Variants in TPST2 observed in about 807,000 individuals in gnomAD.
The protein encoded by TPST2 is tyrosylprotein sulfotransferase 2, also known as protein-tyrosine sulfotransferase 2.
Under a neutral mutation model 27.8 loss-of-function variants are expected in TPST2, and 16 were observed. The observed-to-expected ratio is 0.58, with a 90% confidence interval of 0.39 to 0.88. The LOEUF (loss-of-function observed/expected upper bound fraction) is 0.88, where lower values mean the gene tolerates loss of function less well. TPST2 is among the 40% of genes least tolerant of loss of function. TPST2 has a pLI of 0.00. For missense variants in TPST2, 464 were observed against 543.1 expected (o/e 0.85, Z 1.45); for synonymous variants, 229 against 231.7 (o/e 0.99, Z 0.10).
At chr22:26,581,429 A>G in intron 1 of TPST2, among the ~76,000 whole-genome samples, 1 of 152,226 alleles carries the variant, frequency 6.6e-6, no homozygotes. Flanking sequence ...TTGAGTAAAC[A>G]GAAGGATGGA....
At chr22:26,556,103 A>G (rs1393708485) in intron 1 of TPST2, among the ~76,000 whole-genome samples, 1 of 152,246 alleles carries the variant, frequency 6.6e-6, no homozygotes, top group African/African-American at 2.4e-5. Context: ...TTTGGCTAAG[A>G]ATGTGATTAC....
intron 1 of TPST2, among the ~76,000 whole-genome samples, chr22:26,549,736 C>G (rs4822736): frequency 6.8e-6 from 1 of 147,546 alleles, no homozygotes; most frequent in Non-Finnish European, 1.5e-5. Context: ...TTGGAAACAG[C>G]GGGGTTTCAT....
At chr22:26,546,297 A>AC (rs928442745) in intron 1 of TPST2, among the ~76,000 whole-genome samples, 1 of 151,492 alleles carries the variant, frequency 6.6e-6, no homozygotes, top group East Asian at 1.9e-4. Flanking sequence ...CAGCAACTAG[A>AC]CCCCCCCACA....
At chr22:26,580,387 G>A (rs1376671256) in intron 1 of TPST2, among the ~76,000 whole-genome samples, 2 of 152,076 alleles carry the variant, frequency 1.3e-5, no homozygotes, top group African/African-American at 2.4e-5. Context: ...CAGCCATCCC[G>A]CCCTTCAGTC....
At chr22:26,576,031 TAAATA>T (rs1555935347) in intron 1 of TPST2, among the ~76,000 whole-genome samples, 4 of 150,010 alleles carry the variant, frequency 2.7e-5, no homozygotes, top group East Asian at 1.9e-4. Flanking sequence ...AAAAAATAAA[TAAATA>T]AAATAAAATA....
chr22:26,546,253 A>C (rs776295833), intron 1 of TPST2, among the ~76,000 whole-genome samples: 4 of 152,106 alleles, frequency 2.6e-5, no homozygotes, highest in Non-Finnish European at 5.9e-5. Flanking sequence ...AGGACATCTA[A>C]ACCCAGATGG....
In TPST2 at chr22:26,541,734, G is replaced by T; in HGVS notation, c.-88-16C>A. ...AGGCTCACATCTGGGGAGAGAGGGG[G>T]ACATGCATAGTCAGGGAGGTCTGTG... On this transcript the variant is annotated splice_polypyrimidine_tract_variant and intron_variant, in intron 2 of 6. Transcript: ENST00000338754. The surrounding 1 kb of genome is among the most constrained non-coding windows in gnomAD (Gnocchi z 5.9). 1.4e-6 allele frequency: 2 copies of T among 1,448,928 alleles called. No individual in the cohort carries two copies. Among genetic ancestry groups the T allele is most frequent in the Non-Finnish European group, 1.8e-6 (2 of 1,107,274 alleles). 89.8% of individuals were successfully genotyped at this position (1,448,928 alleles called of 1,614,324 possible).
chr22:26,577,561 G>A (rs1481594747), intron 1 of TPST2, among the ~76,000 whole-genome samples: 1 of 151,428 alleles, frequency 6.6e-6, no homozygotes, highest in Non-Finnish European at 1.5e-5. Flanking sequence ...GTGTTAGCCA[G>A]GATGGTCTCG....
chr22:26,537,440 G>T (rs1336036424), intron 3 of TPST2, among the ~76,000 whole-genome samples: 2 of 152,176 alleles, frequency 1.3e-5, no homozygotes, highest in African/African-American at 4.8e-5. Flanking sequence ...GCTTAGAAGA[G>T]CGTAGGCACA....
intron 1 of TPST2, among the ~76,000 whole-genome samples, chr22:26,568,274 C>T (rs1030342144): frequency 2.0e-5 from 3 of 152,138 alleles, no homozygotes; most frequent in African/African-American, 7.2e-5. Context: ...CTGTGATGAG[C>T]GAAACAAGTC....
intron 1 of TPST2, among the ~76,000 whole-genome samples, chr22:26,563,947 G>C (rs576643889): frequency 7.9e-5 from 12 of 152,274 alleles, no homozygotes; most frequent in Non-Finnish European, 1.6e-4. Context: ...TACCTGTAGG[G>C]GGTCGGCGGG....
intron 1 of TPST2, among the ~76,000 whole-genome samples, chr22:26,577,265 T>TAAA (rs35985150): frequency 7.8e-5 from 10 of 127,560 alleles, no homozygotes; most frequent in East Asian, 2.3e-4. Context: ...ACCCTGTCTT[T>TAAA]AAAAAAAAAA....
rs1266025200 is a variant in TPST2, at chr22:26,522,623, G to A, written c.*3652C>T. 1 of 152,234 alleles carries A rather than the reference G, an allele frequency of 6.6e-6. No homozygotes were observed. Among genetic ancestry groups the A allele is most frequent in the African/African-American group, 2.4e-5 (1 of 41,456 alleles). The allele number at this position is 152,234 out of a possible 1,614,324, so 9.4% of individuals were successfully genotyped here. On this transcript the variant is annotated 3_prime_UTR_variant, in exon 7 of 7. Coordinates refer to ENST00000338754, the MANE Select transcript of TPST2 (RefSeq NM_003595.5). ...CTCACTCATACAGTGGCATCAAGAG[G>A]TTATATGTGCAGGAGAACGTCCACT...
chr22:26,564,397 T>A (rs982443039), intron 1 of TPST2, among the ~76,000 whole-genome samples: 1 of 152,218 alleles, frequency 6.6e-6, no homozygotes, highest in Admixed American at 6.5e-5. Context: ...TGCCCCTTCA[T>A]GTCCAGTCAT....
At chr22:26,561,834 C>A (rs562625382) in intron 1 of TPST2, among the ~76,000 whole-genome samples, 5 of 152,252 alleles carry the variant, frequency 3.3e-5, no homozygotes, top group African/African-American at 1.2e-4. Context: ...AGTGGGTGAG[C>A]AGCATGACTT....
intron 1 of TPST2, among the ~76,000 whole-genome samples, chr22:26,586,629 C>T (rs1251891743): frequency 1.3e-5 from 2 of 151,886 alleles, no homozygotes; most frequent in African/African-American, 2.4e-5. Flanking sequence ...AATAAAGTCA[C>T]GAGGTGCCAG....
intron 1 of TPST2, among the ~76,000 whole-genome samples, chr22:26,567,203 C>T (rs1281109201): frequency 6.6e-6 from 1 of 152,210 alleles, no homozygotes; most frequent in Non-Finnish European, 1.5e-5. Flanking sequence ...ACAGAAGAGG[C>T]TTACTCCACC....
chr22:26,560,603 G>T, intron 1 of TPST2: 2 of 1,180,050 alleles, frequency 1.7e-6, no homozygotes, highest in Non-Finnish European at 2.5e-6. Flanking sequence ...GTCGGGAGGC[G>T]CATAAGAAGA....
chr22:26,561,311 A>G (rs1270503477), intron 1 of TPST2, among the ~76,000 whole-genome samples: 1 of 152,192 alleles, frequency 6.6e-6, no homozygotes, highest in Non-Finnish European at 1.5e-5. Context: ...TATAGTTAAC[A>G]CACTACCGAA....
Sources: gnomAD v4.1 joint callset for allele counts (sites outside exome capture counted in the v4.1 genomes callset) on GRCh38, gnomAD v4.1.1 for gene constraint, Gnocchi (gnomAD v3.1) non-coding constraint, MANE v1.5 for transcripts, NCBI Gene and HGNC (gene_info 2026-07-23, HGNC 2026-07-21) for gene names.